Variants in JPH2 observed in about 807,000 individuals in gnomAD.
JPH2 encodes junctophilin 2.
A neutral mutation model predicts 55.9 loss-of-function variants in JPH2; 38 were observed. The ratio of observed to expected loss-of-function variants is 0.68; its 90% CI spans 0.52 to 0.89. JPH2 has a LOEUF of 0.89. JPH2 is among the 40% of genes least tolerant of loss of function. JPH2 has a pLI of 0.00. For synonymous variants in JPH2, 480 were observed against 472.4 expected (o/e 1.02, Z -0.21); for missense variants, 964 against 1,037.6 (o/e 0.93, Z 0.97).
chr20:44,118,627 T>C lies in JPH2; in HGVS notation c.1170-4A>G, dbSNP rs2145840641. 2 of 1,605,950 alleles carry C rather than the reference T, an allele frequency of 1.2e-6. No homozygotes were observed. The highest frequency in any genetic ancestry group is 8.5e-7 in the Non-Finnish European group (1 of 1,178,068). Reference sequence around the variant, plus strand: ...TTTGGCCTTGGCGTGGCTTGTCCTATGGAGACAATGTGGCAGAAGACTCAG... The same window carrying C: ...TTTGGCCTTGGCGTGGCTTGTCCTACGGAGACAATGTGGCAGAAGACTCAG... On this transcript the variant is annotated splice_polypyrimidine_tract_variant and splice_region_variant and intron_variant, in intron 2 of 5. Coordinates refer to ENST00000372980, the MANE Select transcript of JPH2 (RefSeq NM_020433.5).
chr20:44,133,117 G>T (rs1296592549), intron 2 of JPH2, among the ~76,000 whole-genome samples: 4 of 77,822 alleles, frequency 5.1e-5, no homozygotes, highest in Admixed American at 1.8e-4. Context: ...CCCACCTCTT[G>T]CCCCTTCAGG....
chr20:44,116,700 G>A (rs563860680), intron 3 of JPH2, among the ~76,000 whole-genome samples: 1 of 152,348 alleles, frequency 6.6e-6, no homozygotes, highest in African/African-American at 2.4e-5. Flanking sequence ...CAGAGGCGAT[G>A]CCCTTTACTT....
Position 44,115,788 on chromosome 20 carries a change from G to A in JPH2, c.1887C>T (p.Pro629=). 1 of 1,609,818 alleles carries A rather than the reference G, an allele frequency of 6.2e-7. No individual in the cohort carries two copies. The highest frequency in any genetic ancestry group is 8.5e-7 in the Non-Finnish European group (1 of 1,179,822). ...PAKLEPKPII[P]KAEPRAKARK... is the part of the protein sequence containing the mutation. ...GGGCCTTGGCCCTGGGCTCGGCTTT[G>A]GGGATGATGGGCTTGGGCTCCAGCT... is the stretch of plus-strand genomic sequence containing the variant. The change falls in exon 4 of 6, where the codon CCC becomes CCT. Residue 629 remains proline (P), a synonymous_variant. Coordinates refer to ENST00000372980, the MANE Select transcript of JPH2 (RefSeq NM_020433.5).
chr20:44,138,530 C>G (rs1011540133), intron 2 of JPH2, among the ~76,000 whole-genome samples: 1 of 151,942 alleles, frequency 6.6e-6, no homozygotes, highest in African/African-American at 2.4e-5. Flanking sequence ...TACAGGTGAG[C>G]ACTGCCACAC....
intron 1 of JPH2, among the ~76,000 whole-genome samples, chr20:44,178,479 T>G (rs2072753650): frequency 6.6e-6 from 1 of 152,248 alleles, no homozygotes; most frequent in Non-Finnish European, 1.5e-5. Context: ...GTTCACGGGT[T>G]GGAAGCCTCA....
intron 1 of JPH2, among the ~76,000 whole-genome samples, chr20:44,176,559 T>G (rs1242489688): frequency 6.6e-6 from 1 of 151,990 alleles, no homozygotes. Flanking sequence ...CCCAGCAATT[T>G]GGGAAGCTGA....
At position 44,186,732 on chromosome 20, in the gene JPH2, C is replaced by A; in HGVS notation, c.-27G>T. The A allele has an allele frequency of 6.3e-7, 1 of 1,596,076 alleles. No homozygotes were observed. Among genetic ancestry groups the A allele is most frequent in the Non-Finnish European group, 8.5e-7 (1 of 1,178,158 alleles). On this transcript the variant is annotated 5_prime_UTR_variant, in exon 1 of 6. Coordinates refer to ENST00000372980, the MANE Select transcript of JPH2 (RefSeq NM_020433.5). ...TCATCATAGCCCCTGACAACCTCCC[C>A]GTCCTCCAGCGTGGGTGCAGAGGGC...
intron 2 of JPH2, among the ~76,000 whole-genome samples, chr20:44,131,602 C>T (rs967527223): frequency 2.6e-5 from 4 of 152,188 alleles, no homozygotes; most frequent in Non-Finnish European, 5.9e-5. Context: ...AGAACAGTGC[C>T]TTGCACAGAG....
chr20:44,154,119 G>T (rs1244559532), intron 2 of JPH2, among the ~76,000 whole-genome samples: 1 of 152,124 alleles, frequency 6.6e-6, no homozygotes, highest in African/African-American at 2.4e-5. Flanking sequence ...CTGCACCTCA[G>T]TCTCCCCAAC....
intron 1 of JPH2, among the ~76,000 whole-genome samples, chr20:44,171,380 G>A (rs1179758142): frequency 1.3e-5 from 2 of 152,210 alleles, no homozygotes; most frequent in African/African-American, 2.4e-5. Flanking sequence ...CTTTGTTGGA[G>A]AGAAATACCC....
rs958267714 is a variant in JPH2, at chr20:44,123,747, G to A, written c.1170-5124C>T. On this transcript the variant is annotated intron_variant, in intron 2 of 5. Coordinates refer to ENST00000372980, the MANE Select transcript of JPH2 (RefSeq NM_020433.5). ...CGGGCTCTGCCCAGACCGACTCATC[G>A]GAATTTGAAGGGAACGAGCCTAGGA... Among the ~76,000 whole-genome samples the A allele has an allele frequency of 1.1e-4, 16 of 152,164 alleles. No homozygotes were observed. In the East Asian group the frequency reaches 1.5e-3, roughly 15 times the overall value.
chr20:44,127,487 C>CT (rs556108505), intron 2 of JPH2, among the ~76,000 whole-genome samples: 33,954 of 140,856 alleles, frequency 0.24, 4,819 homozygotes, highest in Admixed American at 0.42. Context: ...TATCATCCTT[C>CT]TTTTTTTTTT....
At chr20:44,131,538 T>C (rs1399256568) in intron 2 of JPH2, among the ~76,000 whole-genome samples, 1 of 152,162 alleles carries the variant, frequency 6.6e-6, no homozygotes, top group Non-Finnish European at 1.5e-5. Flanking sequence ...ATAATAATAG[T>C]GCCTACATCA....
intron 2 of JPH2, among the ~76,000 whole-genome samples, chr20:44,158,687 G>A (rs2072582126): frequency 6.6e-6 from 1 of 152,212 alleles, no homozygotes; most frequent in Non-Finnish European, 1.5e-5. Flanking sequence ...AGGGTGGATG[G>A]ACGCATGGGT....
At chr20:44,116,466 G>C in intron 3 of JPH2, 80 bp from the exon 4 acceptor site, 2 of 1,503,488 alleles carry the variant, frequency 1.3e-6, no homozygotes, top group South Asian at 1.2e-5. Context: ...TTCACCTCTC[G>C]AGCCTCATTC....
rs867957521 is a variant in JPH2 at position 44,174,603 on chromosome 20, G to A, written c.379+11724C>T. 4.6e-5 allele frequency among the ~76,000 whole-genome samples: 7 copies of A among 152,256 alleles called. No homozygotes were observed. In the South Asian group the frequency reaches 8.3e-4, roughly 18 times the overall value. On this transcript the variant is annotated intron_variant, in intron 1 of 5. Transcript: ENST00000372980. ...AGCCTGTCCAACATGGTGAAACCCC[G>A]TCTCTACTAAAAATACAAAAATTAG...
At chr20:44,152,113 A>T (rs1046569145) in intron 2 of JPH2, among the ~76,000 whole-genome samples, 1 of 151,818 alleles carries the variant, frequency 6.6e-6, no homozygotes, top group East Asian at 1.9e-4. Context: ...CGCTGCCCAC[A>T]CTGATTCACC....
At position 44,165,981 on chromosome 20, in the gene JPH2, C is replaced by T. The variant is rs139701783; in HGVS notation, c.380-5574G>A. On this transcript the variant is annotated intron_variant, in intron 1 of 5. Transcript: ENST00000372980. ...TTTTGCTTTTTCTTGTGTTATTGAC[C>T]ATCCCCCCTCACTGGCATGCGAGCT... Among the ~76,000 whole-genome samples, 371 of 152,190 alleles carry T rather than the reference C, an allele frequency of 2.4e-3. 9 individuals are homozygous for T. In the South Asian group the frequency reaches 0.028, roughly 11 times the overall value.
chr20:44,185,202 G>A (rs2072822976), intron 1 of JPH2, among the ~76,000 whole-genome samples: 1 of 152,112 alleles, frequency 6.6e-6, no homozygotes, highest in African/African-American at 2.4e-5. Flanking sequence ...AGCTACTCAG[G>A]AGGCCAAGAT....
Sources: allele counts gnomAD v4.1 joint callset (sites outside exome capture counted in the v4.1 genomes callset), GRCh38; gene constraint gnomAD v4.1.1; transcripts MANE v1.5; gene names NCBI Gene and HGNC (gene_info 2026-07-23, HGNC 2026-07-21).